Variants in LHX4 observed in about 807,000 individuals in gnomAD.
The protein encoded by LHX4 is LIM/homeobox protein Lhx4.
In LHX4, 16 loss-of-function variants were observed where a neutral mutation model predicts 39.2. The ratio of observed to expected loss-of-function variants is 0.41; its 90% confidence interval spans 0.28 to 0.62. The LOEUF (loss-of-function observed/expected upper bound fraction) is 0.62. Among genes scored for constraint, LHX4 ranks in the 20% least tolerant of loss-of-function variants. The pLI, the probability that LHX4 is intolerant of heterozygous loss-of-function variation, is 0.33. For missense variants in LHX4, 439 were observed against 511.9 expected, an observed-to-expected ratio of 0.86 and a Z score of 1.37; for synonymous variants, 206 against 198.1, an observed-to-expected ratio of 1.04 and a Z score of -0.33.
intron 1 of LHX4, among the ~76,000 whole-genome samples, chr1:180,242,543 G>C (rs551666661): frequency 1.3e-5 from 2 of 152,186 alleles, no homozygotes; most frequent in East Asian, 3.9e-4. Flanking sequence ...ATGTGAGTGC[G>C]TGTGAGGATG....
chr1:180,253,289 G>A (rs1261044232), intron 2 of LHX4, among the ~76,000 whole-genome samples: 1 of 152,244 alleles, frequency 6.6e-6, no homozygotes, highest in Non-Finnish European at 1.5e-5. Flanking sequence ...GGATCCAGGA[G>A]TGGGGTTTCT....
upstream of LHX4, among the ~76,000 whole-genome samples, chr1:180,229,966 G>GCGC (rs1664130745): frequency 1.7e-5 from 1 of 57,502 alleles, no homozygotes; most frequent in African/African-American, 3.8e-5. Flanking sequence ...AGGCGGGGAG[G>GCGC]GGGGGGGGGT....
At chr1:180,233,472 T>C (rs569451404) in intron 1 of LHX4, among the ~76,000 whole-genome samples, 230 of 152,288 alleles carry the variant, frequency 1.5e-3, no homozygotes, top group Non-Finnish European at 2.8e-3. Flanking sequence ...TCACAGCGCC[T>C]GACCCGGGGC....
intron 3 of LHX4, 59 bp from the exon 4 acceptor site, chr1:180,271,321 G>T: frequency 6.3e-7 from 1 of 1,591,596 alleles, no homozygotes; most frequent in East Asian, 2.2e-5. Context: ...GAGGGTGTGG[G>T]AGGAGGCGCA....
intron 1 of LHX4, among the ~76,000 whole-genome samples, chr1:180,239,781 G>A (rs933074804): frequency 6.6e-6 from 1 of 152,212 alleles, no homozygotes; most frequent in African/African-American, 2.4e-5. Flanking sequence ...GAATGAGCTT[G>A]CCAATTTGAA....
At chr1:180,257,624 C>G (rs1329329652) in intron 2 of LHX4, among the ~76,000 whole-genome samples, 1 of 152,200 alleles carries the variant, frequency 6.6e-6, no homozygotes, top group Non-Finnish European at 1.5e-5. Flanking sequence ...ATATCAGCAA[C>G]TTTCCTGTCA....
At position 180,234,384 on chromosome 1, in the gene LHX4, G is replaced by A. The variant is rs1248365313; in HGVS notation, c.76+3779G>A. Among the ~76,000 whole-genome samples, 1 of 151,970 alleles carries A rather than the reference G, an allele frequency of 6.6e-6. No homozygotes were observed. Among genetic ancestry groups the A allele is most frequent in the Non-Finnish European group, 1.5e-5 (1 of 67,946 alleles). On this transcript the variant is annotated intron_variant, in intron 1 of 5. Coordinates refer to ENST00000263726, the MANE Select transcript of LHX4 (RefSeq NM_033343.4). The surrounding 1 kb of genome is among the most constrained non-coding windows in gnomAD (Gnocchi z 4.8). ...CCGATTCGGGCCTGATGGGTTGGGG[G>A]TTCCGATGTCCTAACTGCTAGGATC...
rs1664159566 is a variant in LHX4 at position 180,230,855 on chromosome 1, GC to G, written c.76+253del. On this transcript the variant is annotated intron_variant, in intron 1 of 5. Transcript: ENST00000263726. This position sits in a 1 kb window ranked among gnomAD's most constrained non-coding sequence, Gnocchi z 5.8. ...CCGAGTACCGAACCCCGCATCTCCA[GC>G]CCAAGGCTTTTCTTGGAACGCTGGG... 6.6e-6 allele frequency among the ~76,000 whole-genome samples: 1 copy of G among 152,198 alleles called. No homozygotes were observed.
At chr1:180,231,204 C>A (rs1664169127) in intron 1 of LHX4, among the ~76,000 whole-genome samples, 1 of 151,866 alleles carries the variant, frequency 6.6e-6, no homozygotes, top group African/African-American at 2.4e-5. Context: ...AATCTGCTCG[C>A]GCATTCCAGC....
intron 1 of LHX4, among the ~76,000 whole-genome samples, chr1:180,243,387 G>T (rs748662113): frequency 6.6e-6 from 1 of 151,920 alleles, no homozygotes; most frequent in South Asian, 2.1e-4. Flanking sequence ...GAGGAGATCC[G>T]GTTCATGCAC....
Position 180,274,613 on chromosome 1 carries a change from GCTTGA to G in LHX4, c.*35_*39del. On this transcript the variant is annotated 3_prime_UTR_variant, in exon 6 of 6. Coordinates refer to ENST00000263726, the MANE Select transcript of LHX4 (RefSeq NM_033343.4). ...CCTCCCCACCCTACCTGCCCCCCTG[GCTTGA>G]GAGAATATCTTCAAGGATCAAAAGA... is the stretch of plus-strand genomic sequence containing the variant. The G allele has an allele frequency of 6.6e-7, 1 of 1,521,626 alleles. No individual in the cohort carries two copies. The highest frequency in any genetic ancestry group is 8.8e-7 in the Non-Finnish European group (1 of 1,139,460). 94.3% of individuals were successfully genotyped at this position (1,521,626 alleles called of 1,614,324 possible).
chr1:180,249,268 G>A (rs1647505128), intron 2 of LHX4, among the ~76,000 whole-genome samples: 1 of 152,168 alleles, frequency 6.6e-6, no homozygotes, highest in African/African-American at 2.4e-5. Context: ...TTTCCTTTCT[G>A]GGGTGGGGTT....
At chr1:180,270,019 A>G (rs1166030441) in intron 3 of LHX4, 2 of 152,276 alleles carry the variant, frequency 1.3e-5, no homozygotes, top group Admixed American at 6.5e-5. Flanking sequence ...GTGTACACAC[A>G]TGTCCTGGCT....
intron 2 of LHX4, among the ~76,000 whole-genome samples, chr1:180,254,354 C>T (rs1380592826): frequency 6.6e-6 from 1 of 152,216 alleles, no homozygotes; most frequent in Non-Finnish European, 1.5e-5. Flanking sequence ...GGCTGCTGGG[C>T]CAGGCCAGGA....
intron 2 of LHX4, among the ~76,000 whole-genome samples, chr1:180,260,357 G>A (rs1358614485): frequency 6.6e-6 from 1 of 151,790 alleles, no homozygotes; most frequent in Non-Finnish European, 1.5e-5. Context: ...TGCACCCCTG[G>A]TTCTAGAAGG....
At chr1:180,256,482 G>A (rs1009970889) in intron 2 of LHX4, among the ~76,000 whole-genome samples, 13 of 152,322 alleles carry the variant, frequency 8.5e-5, no homozygotes, top group East Asian at 7.7e-4. Context: ...GTCAGCCTGG[G>A]GGCCTCTCTC....
intron 3 of LHX4, among the ~76,000 whole-genome samples, chr1:180,268,596 C>T (rs1306542005): frequency 6.6e-6 from 1 of 152,148 alleles, no homozygotes; most frequent in Non-Finnish European, 1.5e-5. Flanking sequence ...ATAGCATCTG[C>T]CACGTAGGGC....
intron 2 of LHX4, among the ~76,000 whole-genome samples, chr1:180,254,911 C>T (rs897843458): frequency 5.9e-5 from 9 of 152,330 alleles, no homozygotes; most frequent in African/African-American, 1.9e-4. Context: ...AAGAAGACAG[C>T]AGGAGGGCCT....
In LHX4 at chr1:180,276,654, T is replaced by C. The variant is rs1285740212; in HGVS notation, c.*2075T>C. ...GGAGGATGGCTTTTTAAATACACCC[T>C]TCTTAGCAGGCTGCTTAAAATACAC... On this transcript the variant is annotated 3_prime_UTR_variant, in exon 6 of 6. Coordinates refer to ENST00000263726, the MANE Select transcript of LHX4 (RefSeq NM_033343.4). The C allele has an allele frequency of 1.3e-5, 2 of 152,206 alleles. No homozygotes were observed. Among genetic ancestry groups the C allele is most frequent in the Non-Finnish European group, 2.9e-5 (2 of 68,044 alleles). 9.4% of individuals were successfully genotyped at this position (152,206 alleles called of 1,614,324 possible).
Sources: allele counts gnomAD v4.1 joint callset (sites outside exome capture counted in the v4.1 genomes callset), GRCh38; gene constraint gnomAD v4.1.1; non-coding constraint Gnocchi (gnomAD v3.1); transcripts MANE v1.5; gene names NCBI Gene and HGNC (gene_info 2026-07-23, HGNC 2026-07-21).